PCDHGA2: variants seen among roughly 807,000 people sequenced by gnomAD.
The protein encoded by PCDHGA2 is protocadherin gamma subfamily A, 2, also known as protocadherin gamma-A2.
Under a neutral mutation model 59.2 loss-of-function variants are expected in PCDHGA2, and 40 were observed. The observed-to-expected ratio is 0.68, with a 90% CI of 0.52 to 0.88. The LOEUF is 0.88. Ranked by LOEUF, PCDHGA2 falls within the 40% of genes least tolerant of loss-of-function variation. The probability of loss-of-function intolerance (pLI) is 0.00; values close to 1 mark genes in which losing one functional copy is unlikely to be tolerated. For missense variants in PCDHGA2, 1,226 were observed against 1,204.0 expected (o/e 1.02, Z -0.27); for synonymous variants, 560 against 526.0 (o/e 1.06, Z -0.89).
chr5:141,366,343 C>T, intron 1 of PCDHGA2: 2 of 1,613,936 alleles, frequency 1.2e-6, no homozygotes, highest in Non-Finnish European at 1.7e-6. Context: ...TCCCTGACAT[C>T]CTGGCTGACC....
At chr5:141,439,412 T>G (rs2098111019) in intron 1 of PCDHGA2, among the ~76,000 whole-genome samples, 1 of 152,194 alleles carries the variant, frequency 6.6e-6, no homozygotes, top group Admixed American at 6.5e-5. Flanking sequence ...CTAACATCAC[T>G]GAGGTTATAA....
chr5:141,389,887 A>T (rs1473090410), intron 1 of PCDHGA2: 2 of 1,613,940 alleles, frequency 1.2e-6, no homozygotes, highest in South Asian at 1.1e-5. Flanking sequence ...AGCTTGCAGG[A>T]GGTGCTGCCG....
rs763524163 is a variant in PCDHGA2 at position 141,338,915 on chromosome 5, T to C, written c.-57T>C. On this transcript the variant is annotated 5_prime_UTR_variant, in exon 1 of 4. Transcript: ENST00000394576. ...TATCTCACACCCTGAGGAATAAAGA[T>C]TGGAATCCGCACTGGATGCTGGAAG... The C allele has an allele frequency of 8.0e-6, 12 of 1,507,304 alleles. No homozygotes were observed. The highest frequency in any genetic ancestry group is 4.1e-5 in the South Asian group (3 of 73,388). 93.4% of individuals were successfully genotyped at this position (1,507,304 alleles called of 1,614,324 possible). A position where few individuals can be genotyped will look rare whatever the true frequency, so the allele number is the denominator to read the frequency against.
At position 141,438,243 on chromosome 5, in the gene PCDHGA2, A is replaced by C. The variant is rs1445738408; in HGVS notation, c.2425-56564A>C. ...TGGTTCAGGAAAATGTTTTTAAAAA[A>C]CTGTCATTGAAGAGACCATAGAATC... On this transcript the variant is annotated intron_variant, in intron 1 of 3. Coordinates refer to ENST00000394576, the MANE Select transcript of PCDHGA2 (RefSeq NM_018915.4). Among the ~76,000 whole-genome samples, 3 of 152,250 alleles carry C rather than the reference A, an allele frequency of 2.0e-5. No individual in the cohort carries two copies. In the East Asian group the frequency reaches 5.8e-4, roughly 29 times the overall value.
chr5:141,478,607 A>T (rs892000536), intron 1 of PCDHGA2: 1 of 1,560,800 alleles, frequency 6.4e-7, no homozygotes, highest in Non-Finnish European at 8.7e-7. Context: ...CATCATATTG[A>T]GGAAGGAATG....
In PCDHGA2 at chr5:141,431,377, T is replaced by A; in HGVS notation, c.2425-63430T>A. 1 of 1,613,426 alleles carries A rather than the reference T, an allele frequency of 6.2e-7. No individual in the cohort carries two copies. Among genetic ancestry groups the A allele is most frequent in the Non-Finnish European group, 8.5e-7 (1 of 1,179,558 alleles). ...GCGCCCTGGACCGCGAAGAAAAGGC[T>A]GCTCACCACCTGGTCCTTACGGCCT... is the stretch of plus-strand genomic sequence containing the variant. On this transcript the variant is annotated intron_variant, in intron 1 of 3. Coordinates refer to ENST00000394576, the MANE Select transcript of PCDHGA2 (RefSeq NM_018915.4). This position sits in a 1 kb window ranked among gnomAD's most constrained non-coding sequence, Gnocchi z 4.8.
intron 1 of PCDHGA2, among the ~76,000 whole-genome samples, chr5:141,347,795 A>C (rs1758021771): frequency 6.6e-6 from 1 of 152,106 alleles, no homozygotes; most frequent in South Asian, 2.1e-4. Flanking sequence ...TCAAAAAAAA[A>C]AAAAAAGTAG....
Position 141,415,576 on chromosome 5 carries a change from T to C in PCDHGA2, c.2424+74181T>C, listed in dbSNP as rs182127695. 9.5e-5 allele frequency: 153 copies of C among 1,614,182 alleles called. No individual in the cohort carries two copies. The Admixed American group carries it at 1.6e-3, about 17-fold the overall frequency. Reference sequence around the variant, plus strand: ...CGATCCTTTGTCTTTGTTAGATGATTCGAAGTTTCCTATAGAGGATACCCC... The same window carrying C: ...CGATCCTTTGTCTTTGTTAGATGATCCGAAGTTTCCTATAGAGGATACCCC... On this transcript the variant is annotated intron_variant, in intron 1 of 3. Transcript: ENST00000394576.
intron 1 of PCDHGA2, chr5:141,366,690 A>T: frequency 6.2e-7 from 1 of 1,614,252 alleles, no homozygotes; most frequent in Non-Finnish European, 8.5e-7. Context: ...AGCTGTGAGA[A>T]AAGCGAGCCT....
In PCDHGA2 at chr5:141,463,518, G is replaced by A. The variant is rs537466389; in HGVS notation, c.2425-31289G>A. 5.7e-5 allele frequency among the ~76,000 whole-genome samples: 8 copies of A among 139,140 alleles called. No individual in the cohort carries two copies. The East Asian group carries it at 1.3e-3, about 22-fold the overall frequency. The allele number at this position is 139,140 out of a possible 152,430, so 91.3% of individuals were successfully genotyped here. On this transcript the variant is annotated intron_variant, in intron 1 of 3. Coordinates refer to ENST00000394576, the MANE Select transcript of PCDHGA2 (RefSeq NM_018915.4). The stretch of plus-strand genomic sequence containing the variant: ...GGCTGGAGTGACGTGGCGTGATCTC[G>A]GCTTACTAGAAACTCCGGCTCCCGG...
intron 1 of PCDHGA2, chr5:141,395,106 A>G: frequency 3.1e-6 from 5 of 1,614,150 alleles, no homozygotes; most frequent in Admixed American, 3.3e-5. Flanking sequence ...CGACTCGCGG[A>G]AGAGTCACCT....
At chr5:141,387,099 T>C (rs997819435) in intron 1 of PCDHGA2, among the ~76,000 whole-genome samples, 3 of 152,210 alleles carry the variant, frequency 2.0e-5, no homozygotes, top group Admixed American at 1.3e-4. Context: ...GAAATGAGAA[T>C]CACATAATAT....
intron 1 of PCDHGA2, chr5:141,424,504 G>GT (rs892941709): frequency 6.6e-6 from 1 of 152,016 alleles, no homozygotes; most frequent in African/African-American, 2.4e-5. Context: ...TGTATGGAAG[G>GT]TTTTTTAATG....
intron 1 of PCDHGA2, chr5:141,408,051 C>G (rs894200228): frequency 3.2e-5 from 41 of 1,264,370 alleles, no homozygotes; most frequent in African/African-American, 1.1e-4. Flanking sequence ...CCACACAGAG[C>G]CTCCCGGCTG....
chr5:141,360,506 A>C (rs771253042), intron 1 of PCDHGA2: 2 of 1,614,016 alleles, frequency 1.2e-6, no homozygotes, highest in South Asian at 1.1e-5. Flanking sequence ...GTAATTGTGC[A>C]GGATATAAAT....
chr5:141,375,028 T>G (rs775365002), intron 1 of PCDHGA2: 2 of 1,613,924 alleles, frequency 1.2e-6, no homozygotes, highest in Admixed American at 1.7e-5. Flanking sequence ...CGAGTTTTTA[T>G]GAGCTGGGTG....
intron 1 of PCDHGA2, chr5:141,383,667 A>G (rs1167694570): frequency 1.9e-6 from 3 of 1,614,020 alleles, no homozygotes; most frequent in Non-Finnish European, 2.5e-6. Context: ...AGAATGTGCC[A>G]GTGGGTACAA....
At chr5:141,488,991 T>G in intron 1 of PCDHGA2, 1 of 414,332 alleles carries the variant, frequency 2.4e-6, no homozygotes, top group Non-Finnish European at 4.3e-6. Flanking sequence ...AGAGCTGAGG[T>G]GGGAGATCTG....
intron 1 of PCDHGA2, chr5:141,417,686 G>A (rs1300052006): frequency 8.4e-6 from 9 of 1,068,196 alleles, no homozygotes; most frequent in South Asian, 1.8e-5. Context: ...CAACAGAAAA[G>A]AAAACCAGCT....
Sources: gnomAD v4.1 joint callset for allele counts (sites outside exome capture counted in the v4.1 genomes callset) on GRCh38, gnomAD v4.1.1 for gene constraint, Gnocchi (gnomAD v3.1) non-coding constraint, MANE v1.5 for transcripts, NCBI Gene and HGNC (gene_info 2026-07-23, HGNC 2026-07-21) for gene names.